SPATA6: variants seen among roughly 807,000 people sequenced by gnomAD.
SPATA6 encodes the protein spermatogenesis-associated protein 6.
A neutral mutation model predicts 65.3 loss-of-function variants in SPATA6; 56 were observed. That is an observed-to-expected ratio of 0.86 (90% CI 0.69 to 1.07). SPATA6 has a LOEUF of 1.07. Ranked by LOEUF, SPATA6 falls within the 50% of genes least tolerant of loss-of-function variation. The pLI, the probability that SPATA6 is intolerant of heterozygous loss-of-function variation, is 0.00. For synonymous variants in SPATA6, 199 were observed against 213.2 expected (o/e 0.93, Z 0.58); for missense variants, 590 against 594.8 (o/e 0.99, Z 0.08).
At chr1:48,320,971 T>C (rs1645583443) in intron 11 of SPATA6, among the ~76,000 whole-genome samples, 1 of 152,170 alleles carries the variant, frequency 6.6e-6, no homozygotes, top group South Asian at 2.1e-4. Context: ...GGTTATGACA[T>C]ATTATTTGTA....
intron 11 of SPATA6, among the ~76,000 whole-genome samples, chr1:48,324,415 C>T (rs1252788324): frequency 6.6e-6 from 1 of 152,014 alleles, no homozygotes; most frequent in East Asian, 1.9e-4. Flanking sequence ...GATCAATAAC[C>T]CTGATGAACA....
chr1:48,411,922 G>A (rs1237086955), intron 4 of SPATA6, among the ~76,000 whole-genome samples: 1 of 151,434 alleles, frequency 6.6e-6, no homozygotes, highest in Non-Finnish European at 1.5e-5. Flanking sequence ...GGAGTGCAAT[G>A]GTGCCATCTC....
the SPATA6 span, among the ~76,000 whole-genome samples, chr1:48,264,862 T>C: frequency 6.6e-6 from 1 of 152,238 alleles, no homozygotes; most frequent in Admixed American, 6.5e-5. Flanking sequence ...GAATAATTTA[T>C]AATCCTTTGG....
At chr1:48,328,513 C>T (rs1203271677) in intron 11 of SPATA6, among the ~76,000 whole-genome samples, 1 of 152,100 alleles carries the variant, frequency 6.6e-6, no homozygotes, top group Non-Finnish European at 1.5e-5. Flanking sequence ...TCACAAAGAC[C>T]ATATATCATA....
chr1:48,268,167 C>T, the SPATA6 span, among the ~76,000 whole-genome samples: 2 of 152,076 alleles, frequency 1.3e-5, no homozygotes, highest in Non-Finnish European at 2.9e-5. Context: ...GGTATGTGGG[C>T]ACAGGTCCAA....
intron 9 of SPATA6, among the ~76,000 whole-genome samples, chr1:48,368,142 G>A (rs1557624397): frequency 1.3e-5 from 2 of 152,198 alleles, no homozygotes; most frequent in Non-Finnish European, 2.9e-5. Flanking sequence ...CTCCTGGCTT[G>A]TAGAGTTTCT....
chr1:48,387,285 G>A (rs1649577188), intron 8 of SPATA6, among the ~76,000 whole-genome samples: 1 of 152,060 alleles, frequency 6.6e-6, no homozygotes, highest in African/African-American at 2.4e-5. Flanking sequence ...TTTGGGTGGG[G>A]GCACAGCCAA....
chr1:48,288,433 G>A, the SPATA6 span, among the ~76,000 whole-genome samples: 2 of 152,202 alleles, frequency 1.3e-5, no homozygotes, highest in African/African-American at 4.8e-5. Flanking sequence ...GCAGAAGACA[G>A]GTGATGTCTG....
chr1:48,472,030 G>A lies in SPATA6; in HGVS notation c.-22C>T, dbSNP rs770306194. On this transcript the variant is annotated 5_prime_UTR_variant, in exon 1 of 13. Transcript: ENST00000371847. ...GCATCCGTGCGGGGAGGGGCGGCGG[G>A]GAGTGACCCCGGCCACGGGCCCGAG... is the stretch of plus-strand genomic sequence containing the variant. 4.6e-6 allele frequency: 7 copies of A among 1,513,916 alleles called. No individual in the cohort carries two copies. The highest frequency in any genetic ancestry group is 2.8e-5 in the African/African-American group (2 of 70,510). The allele number at this position is 1,513,916 out of a possible 1,614,324, so 93.8% of individuals were successfully genotyped here. A position where few individuals can be genotyped will look rare whatever the true frequency, so the allele number is the denominator to read the frequency against.
At chr1:48,389,174 A>G (rs1649798735) in intron 8 of SPATA6, among the ~76,000 whole-genome samples, 2 of 152,182 alleles carry the variant, frequency 1.3e-5, no homozygotes, top group African/African-American at 2.4e-5. Flanking sequence ...CATCAACAAT[A>G]GACTAAACCA....
intron 3 of SPATA6, among the ~76,000 whole-genome samples, chr1:48,427,361 C>A (rs891744512): frequency 7.2e-6 from 1 of 138,552 alleles, no homozygotes; most frequent in Non-Finnish European, 1.6e-5. Context: ...TTAAATAGCA[C>A]AGAAAGTAAA....
intron 9 of SPATA6, among the ~76,000 whole-genome samples, chr1:48,365,012 C>A (rs541607120): frequency 6.6e-5 from 10 of 152,330 alleles, no homozygotes; most frequent in Non-Finnish European, 1.3e-4. Flanking sequence ...CAGCTTTCTA[C>A]ATATGGCTAG....
chr1:48,328,607 AG>A (rs1449555097), intron 11 of SPATA6, among the ~76,000 whole-genome samples: 3 of 152,094 alleles, frequency 2.0e-5, no homozygotes, highest in Non-Finnish European at 4.4e-5. Context: ...AGAAATGAGG[AG>A]GGGGAGAATG....
rs757238580 is a variant in SPATA6, at chr1:48,355,783, A to G, written c.1095-14T>C. 10 of 1,600,108 alleles carry G rather than the reference A, an allele frequency of 6.2e-6. No homozygotes were observed. Among genetic ancestry groups the G allele is most frequent in the African/African-American group, 2.7e-5 (2 of 74,334 alleles). ...TCAGAATGAAATCTGTAGGCAAAAA[A>G]TAAGTTTTATTTTTGTTACTAAAAT... On this transcript the variant is annotated splice_polypyrimidine_tract_variant and intron_variant, in intron 10 of 12. Transcript: ENST00000371847.
intron 5 of SPATA6, among the ~76,000 whole-genome samples, chr1:48,408,607 T>C (rs1412066908): frequency 6.6e-6 from 1 of 152,140 alleles, no homozygotes; most frequent in Non-Finnish European, 1.5e-5. Context: ...ATCTTTAAGA[T>C]AGATATTGTA....
intron 11 of SPATA6, among the ~76,000 whole-genome samples, chr1:48,347,495 T>A (rs1222792227): frequency 1.4e-5 from 2 of 146,608 alleles, no homozygotes; most frequent in Non-Finnish European, 3.0e-5. Flanking sequence ...AATGTATATA[T>A]GTATATATAA....
chr1:48,303,646 C>T (rs1644992576), intron 12 of SPATA6, among the ~76,000 whole-genome samples: 1 of 152,186 alleles, frequency 6.6e-6, no homozygotes, highest in Admixed American at 6.6e-5. Flanking sequence ...ATATTTTCCA[C>T]ATCTGCTTTC....
chr1:48,280,813 A>T, the SPATA6 span, among the ~76,000 whole-genome samples: 3 of 152,168 alleles, frequency 2.0e-5, no homozygotes, highest in Non-Finnish European at 4.4e-5. Flanking sequence ...AAAAGAGGGA[A>T]TCCTCCCTAA....
chr1:48,391,124 G>T (rs1350450271), intron 8 of SPATA6, among the ~76,000 whole-genome samples: 2 of 151,760 alleles, frequency 1.3e-5, no homozygotes, highest in African/African-American at 4.8e-5. Flanking sequence ...CAGCACTTTG[G>T]GAGACCAAGA....
Sources: gnomAD v4.1 joint callset for allele counts (sites outside exome capture counted in the v4.1 genomes callset) on GRCh38, gnomAD v4.1.1 for gene constraint, MANE v1.5 for transcripts, NCBI Gene and HGNC (gene_info 2026-07-23, HGNC 2026-07-21) for gene names.